Variants in CADM2 observed in about 807,000 individuals in gnomAD.
CADM2 encodes the protein immunoglobulin superfamily member 4D.
CADM2 carries 12 observed loss-of-function variants against 49.8 expected under a neutral mutation model. The ratio of observed to expected loss-of-function variants is 0.24; its 90% CI spans 0.15 to 0.39. The LOEUF is 0.39. Among genes scored for constraint, CADM2 ranks in the 10% least tolerant of loss-of-function variants. CADM2 has a pLI of 1.00. For synonymous variants in CADM2, 214 were observed against 175.4 expected (o/e 1.22, Z -1.74); for missense variants, 378 against 492.3 (o/e 0.77, Z 2.20).
At chr3:85,125,168 AT>A (rs1276652035) in intron 1 of CADM2, among the ~76,000 whole-genome samples, 2 of 152,182 alleles carry the variant, frequency 1.3e-5, no homozygotes, top group East Asian at 3.9e-4. Context: ...CTGTGGTTTT[AT>A]TTTGTTATCA....
intron 1 of CADM2, among the ~76,000 whole-genome samples, chr3:85,355,311 T>G (rs1279259891): frequency 6.6e-6 from 1 of 152,078 alleles, no homozygotes; most frequent in Admixed American, 6.6e-5. Context: ...GAAATAATTT[T>G]GGTTAAAGGT....
At chr3:85,318,250 T>A (rs944367376) in intron 1 of CADM2, among the ~76,000 whole-genome samples, 1 of 151,610 alleles carries the variant, frequency 6.6e-6, no homozygotes, top group African/African-American at 2.4e-5. Context: ...GGGGGGTTGA[T>A]GTAACAGGGA....
chr3:85,791,348 G>T (rs945858892), intron 2 of CADM2, among the ~76,000 whole-genome samples: 19 of 152,132 alleles, frequency 1.2e-4, no homozygotes, highest in Non-Finnish European at 1.3e-4. Flanking sequence ...TATTTGTTTA[G>T]AATGCCTTCA....
At chr3:85,726,750 G>A (rs933016740) in intron 2 of CADM2, among the ~76,000 whole-genome samples, 3 of 152,008 alleles carry the variant, frequency 2.0e-5, no homozygotes, top group African/African-American at 7.2e-5. Flanking sequence ...ATGTTTGTGA[G>A]TTTGTTTTCT....
intron 7 of CADM2, among the ~76,000 whole-genome samples, chr3:85,942,835 T>A (rs1367652277): frequency 6.6e-6 from 1 of 152,094 alleles, no homozygotes; most frequent in East Asian, 1.9e-4. Flanking sequence ...TTTATAGTCC[T>A]TTGGGTATAT....
intron 1 of CADM2, among the ~76,000 whole-genome samples, chr3:85,434,035 T>C (rs1364165615): frequency 1.3e-5 from 2 of 152,102 alleles, no homozygotes; most frequent in African/African-American, 4.8e-5. Flanking sequence ...ATTTAAAACT[T>C]ACAGTATGAG....
intron 1 of CADM2, among the ~76,000 whole-genome samples, chr3:85,603,434 A>G (rs2063468018): frequency 6.6e-6 from 1 of 151,804 alleles, no homozygotes; most frequent in Non-Finnish European, 1.5e-5. Context: ...TAGCCTACAC[A>G]TTTGTTTTTC....
chr3:85,914,761 G>A (rs1489433259), intron 6 of CADM2, among the ~76,000 whole-genome samples: 1 of 152,210 alleles, frequency 6.6e-6, no homozygotes, highest in Admixed American at 6.5e-5. Flanking sequence ...AGGTAAGAAA[G>A]AGTGAGAAGA....
intron 6 of CADM2, among the ~76,000 whole-genome samples, chr3:85,933,983 A>G (rs570470187): frequency 6.6e-6 from 1 of 152,186 alleles, no homozygotes; most frequent in South Asian, 2.1e-4. Flanking sequence ...TCCAAAAAAC[A>G]TCCTCGCATT....
At chr3:85,418,664 CA>C (rs979314274) in intron 1 of CADM2, among the ~76,000 whole-genome samples, 2 of 151,876 alleles carry the variant, frequency 1.3e-5, no homozygotes, top group Non-Finnish European at 2.9e-5. Flanking sequence ...TTAAAATCTC[CA>C]AAAAGTTGAA....
chr3:86,048,822 T>C (rs1736978835), intron 8 of CADM2, among the ~76,000 whole-genome samples: 1 of 152,106 alleles, frequency 6.6e-6, no homozygotes, highest in Non-Finnish European at 1.5e-5. Flanking sequence ...CTAAGAATGT[T>C]CTACATAAGA....
At chr3:85,161,832 A>G (rs916158421) in intron 1 of CADM2, among the ~76,000 whole-genome samples, 9 of 152,114 alleles carry the variant, frequency 5.9e-5, no homozygotes, top group African/African-American at 1.9e-4. Flanking sequence ...AGTCTGGCCA[A>G]CATGGTGAAA....
At chr3:85,087,926 T>G (rs975546997) in intron 1 of CADM2, among the ~76,000 whole-genome samples, 1 of 152,180 alleles carries the variant, frequency 6.6e-6, no homozygotes, top group African/African-American at 2.4e-5. Flanking sequence ...TTCTATTATT[T>G]TATTTACTGT....
At chr3:85,013,040 T>C (rs773256281) in intron 1 of CADM2, among the ~76,000 whole-genome samples, 6 of 151,780 alleles carry the variant, frequency 4.0e-5, no homozygotes, top group Non-Finnish European at 7.4e-5. Flanking sequence ...TATTAATGAA[T>C]GTGTTGCAAT....
chr3:84,978,682 T>C (rs1249771683), intron 1 of CADM2, among the ~76,000 whole-genome samples: 2 of 152,200 alleles, frequency 1.3e-5, no homozygotes, highest in East Asian at 3.8e-4. Flanking sequence ...TTTCCTGTTT[T>C]ATTGCTTAAC....
intron 1 of CADM2, among the ~76,000 whole-genome samples, chr3:85,013,565 T>C (rs1435811195): frequency 1.3e-5 from 2 of 151,808 alleles, no homozygotes; most frequent in African/African-American, 4.8e-5. Context: ...TTGAGGATAC[T>C]GTATTTCATT....
intron 1 of CADM2, among the ~76,000 whole-genome samples, chr3:85,561,776 A>G (rs1291197018): frequency 6.6e-6 from 1 of 152,176 alleles, no homozygotes; most frequent in Non-Finnish European, 1.5e-5. Context: ...GAGGTCTTGA[A>G]TGCTAAAAAT....
intron 1 of CADM2, among the ~76,000 whole-genome samples, chr3:85,374,479 C>A (rs1454363453): frequency 1.3e-5 from 2 of 152,168 alleles, no homozygotes; most frequent in African/African-American, 2.4e-5. Context: ...AGCCCTCCAA[C>A]CTCTGTTTGG....
chr3:85,091,748 TA>T (rs2037604910), intron 1 of CADM2, among the ~76,000 whole-genome samples: 1 of 152,238 alleles, frequency 6.6e-6, no homozygotes, highest in African/African-American at 2.4e-5. Context: ...TGTTCAAATA[TA>T]AATCTGAAAT....
Sources: gnomAD v4.1 joint callset for allele counts (sites outside exome capture counted in the v4.1 genomes callset) on GRCh38, gnomAD v4.1.1 for gene constraint, MANE v1.5 for transcripts, NCBI Gene and HGNC (gene_info 2026-07-23, HGNC 2026-07-21) for gene names.